The following FGGY variants were observed in gnomAD, a reference collection of about 807,000 sequenced individuals.
FGGY encodes the protein FGGY carbohydrate kinase domain containing, also known as FGGY carbohydrate kinase domain-containing protein.
Under a neutral mutation model 71.3 loss-of-function variants are expected in FGGY, and 72 were observed. The ratio of observed to expected loss-of-function variants is 1.01; its 90% CI spans 0.84 to 1.23. The LOEUF is 1.23. FGGY is among the 50% of genes most tolerant of loss of function. The pLI is 0.00. For missense variants in FGGY, 668 were observed against 682.3 expected, an observed-to-expected ratio of 0.98 and a Z score of 0.23; for synonymous variants, 251 against 250.3, an observed-to-expected ratio of 1.00 and a Z score of -0.02.
rs143380688 is a variant in FGGY, at chr1:59,499,104, C to A, written c.671-13207C>A. ...AATGTTTAGATTTTGATCTCTATTT[C>A]TCAGCCCCCCAAATCTGGATGATCC... On this transcript the variant is annotated intron_variant, in intron 6 of 15. Coordinates refer to ENST00000303721, the MANE Select transcript of FGGY (RefSeq NM_018291.5). 3.7e-3 allele frequency among the ~76,000 whole-genome samples: 564 copies of A among 152,216 alleles called. 2 individuals carry two copies. Among genetic ancestry groups the A allele is most frequent in the African/African-American group, 0.012 (497 of 41,530 alleles).
chr1:59,670,744 A>G (rs966559769), intron 13 of FGGY, among the ~76,000 whole-genome samples: 2 of 152,140 alleles, frequency 1.3e-5, no homozygotes, highest in African/African-American at 4.8e-5. Context: ...TATTATTTTG[A>G]AAGTGAATCT....
chr1:59,709,080 G>A (rs1028900286), intron 14 of FGGY, among the ~76,000 whole-genome samples: 2 of 150,542 alleles, frequency 1.3e-5, no homozygotes, highest in Admixed American at 6.6e-5. Flanking sequence ...ACACACACGC[G>A]CGCGCGCATA....
chr1:59,572,529 GGAAATAATTCCA>G (rs1431877099), intron 8 of FGGY, among the ~76,000 whole-genome samples: 1 of 152,136 alleles, frequency 6.6e-6, no homozygotes, highest in Non-Finnish European at 1.5e-5. Context: ...TACAAAGGAT[GGAAATAATTCCA>G]GTTTGGAGAA....
rs1014099879 is a variant in FGGY, at chr1:59,546,309, G to A, written c.800-7815G>A. On this transcript the variant is annotated intron_variant, in intron 7 of 15. Coordinates refer to ENST00000303721, the MANE Select transcript of FGGY (RefSeq NM_018291.5). Reference sequence around the variant, plus strand: ...CTTGAAACCAAGCAGTCGAGTTCCAGTGCCCTTGCTTTGAACCATTACGCC... The same window carrying A: ...CTTGAAACCAAGCAGTCGAGTTCCAATGCCCTTGCTTTGAACCATTACGCC... Among the ~76,000 whole-genome samples, 8 of 151,398 alleles carry A rather than the reference G, an allele frequency of 5.3e-5. No individual in the cohort carries two copies. The Admixed American group carries it at 5.3e-4, about 10-fold the overall frequency.
At chr1:59,523,527 A>C (rs1465974185) in intron 7 of FGGY, among the ~76,000 whole-genome samples, 2 of 152,214 alleles carry the variant, frequency 1.3e-5, no homozygotes, top group Non-Finnish European at 2.9e-5. Context: ...AATAATTTTA[A>C]AAATTTTCCA....
intron 5 of FGGY, among the ~76,000 whole-genome samples, chr1:59,445,767 A>G (rs893903400): frequency 2.0e-5 from 3 of 152,370 alleles, no homozygotes; most frequent in Admixed American, 6.5e-5. Flanking sequence ...CAAGAAAAAC[A>G]CGAGAAATTA....
chr1:59,498,055 C>A (rs1420383728), intron 6 of FGGY, among the ~76,000 whole-genome samples: 2 of 152,176 alleles, frequency 1.3e-5, no homozygotes, highest in African/African-American at 2.4e-5. Flanking sequence ...TGTACCCCAA[C>A]CTGTGCCACT....
At chr1:59,517,849 T>G (rs2094708157) in intron 7 of FGGY, among the ~76,000 whole-genome samples, 1 of 152,278 alleles carries the variant, frequency 6.6e-6, no homozygotes, top group East Asian at 1.9e-4. Context: ...ATATTACAAC[T>G]GAGAGAGAGA....
At chr1:59,673,725 T>C (rs963215560) in intron 13 of FGGY, 2 of 301,220 alleles carry the variant, frequency 6.6e-6, no homozygotes, top group Non-Finnish European at 1.3e-5. Flanking sequence ...TAAACATCAG[T>C]GGATCTGAAC....
At chr1:59,565,983 G>T (rs932873480) in intron 8 of FGGY, among the ~76,000 whole-genome samples, 1 of 152,162 alleles carries the variant, frequency 6.6e-6, no homozygotes, top group Admixed American at 6.5e-5. Flanking sequence ...ACCAAATTTG[G>T]CAATGTGAAG....
intron 8 of FGGY, among the ~76,000 whole-genome samples, chr1:59,579,270 C>A (rs1297585172): frequency 6.6e-6 from 1 of 152,088 alleles, no homozygotes; most frequent in African/African-American, 2.4e-5. Flanking sequence ...AGGCGTTAAG[C>A]CTCTGCCCAA....
chr1:59,587,464 G>T (rs1443341059), intron 8 of FGGY, among the ~76,000 whole-genome samples: 1 of 152,096 alleles, frequency 6.6e-6, no homozygotes, highest in Non-Finnish European at 1.5e-5. Flanking sequence ...GCACGCAACT[G>T]GAGATCTGAG....
rs570564685 is a variant in FGGY at position 59,374,310 on chromosome 1, C to T, written c.466-4439C>T. On this transcript the variant is annotated intron_variant, in intron 4 of 15. Coordinates refer to ENST00000303721, the MANE Select transcript of FGGY (RefSeq NM_018291.5). The stretch of plus-strand genomic sequence containing the variant: ...CAGAAACCACATGAAAAAATGCTCA[C>T]CATCACTGGCCATCAGAGAAATGCA... 7.9e-5 allele frequency among the ~76,000 whole-genome samples: 12 copies of T among 152,292 alleles called. 2 individuals carry two copies. The South Asian group carries it at 1.9e-3, about 24-fold the overall frequency.
At chr1:59,416,293 A>G (rs1019469142) in intron 5 of FGGY, among the ~76,000 whole-genome samples, 6 of 152,220 alleles carry the variant, frequency 3.9e-5, no homozygotes, top group Non-Finnish European at 7.3e-5. Context: ...ATCCTTATGT[A>G]ACAGCATAAG....
At chr1:59,505,109 C>T (rs1374710262) in intron 6 of FGGY, among the ~76,000 whole-genome samples, 3 of 152,050 alleles carry the variant, frequency 2.0e-5, no homozygotes, top group East Asian at 3.9e-4. Flanking sequence ...TATTAAACAC[C>T]TCTTATAGGC....
In FGGY at chr1:59,657,906, A is replaced by G. The variant is rs189377320; in HGVS notation, c.1222-2313A>G. On this transcript the variant is annotated intron_variant, in intron 11 of 15. Coordinates refer to ENST00000303721, the MANE Select transcript of FGGY (RefSeq NM_018291.5). ...TTCCAGTGTTCTTTTCTCTTGGGGC[A>G]TGGTCTCCTCCTCTCTGATTGTGTG... 4.3e-3 allele frequency among the ~76,000 whole-genome samples: 660 copies of G among 152,320 alleles called. 3 individuals are homozygous for G. Among genetic ancestry groups the G allele is most frequent in the Non-Finnish European group, 6.6e-3 (449 of 68,030 alleles).
chr1:59,338,296 C>A (rs1156635016), intron 2 of FGGY, among the ~76,000 whole-genome samples: 3 of 151,976 alleles, frequency 2.0e-5, no homozygotes, highest in African/African-American at 2.4e-5. Flanking sequence ...TCTGTAGTGT[C>A]CTTTTCTTAT....
At chr1:59,611,087 C>G (rs528321085) in intron 9 of FGGY, among the ~76,000 whole-genome samples, 3 of 152,308 alleles carry the variant, frequency 2.0e-5, no homozygotes, top group South Asian at 2.1e-4. Context: ...CCTCTGAGGG[C>G]GGGGCATAGC....
chr1:59,399,054 C>T (rs1269661438), intron 5 of FGGY, among the ~76,000 whole-genome samples: 2 of 152,026 alleles, frequency 1.3e-5, no homozygotes, highest in African/African-American at 4.8e-5. Context: ...GTCAAGTTTC[C>T]AATAGAGATT....
Sources: gnomAD v4.1 joint callset for allele counts (sites outside exome capture counted in the v4.1 genomes callset) on GRCh38, gnomAD v4.1.1 for gene constraint, MANE v1.5 for transcripts, NCBI Gene and HGNC (gene_info 2026-07-23, HGNC 2026-07-21) for gene names.